Variants in RBFOX1 observed in about 807,000 individuals in gnomAD.
The protein encoded by RBFOX1 is RNA binding fox-1 homolog 1, also known as RNA binding protein fox-1 homolog 1.
Under a neutral mutation model 57.7 loss-of-function variants are expected in RBFOX1, and 8 were observed. That is an observed-to-expected ratio of 0.14 (90% confidence interval 0.08 to 0.25). The LOEUF (loss-of-function observed/expected upper bound fraction) is 0.25. Among genes scored for constraint, RBFOX1 ranks in the 10% least tolerant of loss-of-function variants. The probability of loss-of-function intolerance (pLI) is 1.00; values close to 1 mark genes in which losing one functional copy is unlikely to be tolerated. For missense variants in RBFOX1, 611 were observed against 548.5 expected, an observed-to-expected ratio of 1.11 and a Z score of -1.14; for synonymous variants, 326 against 222.4, an observed-to-expected ratio of 1.47 and a Z score of -4.15.
At chr16:6,695,060 G>T (rs981208517) in intron 3 of RBFOX1, among the ~76,000 whole-genome samples, 9 of 152,072 alleles carry the variant, frequency 5.9e-5, no homozygotes, top group African/African-American at 2.2e-4. Context: ...ATATGGAGAA[G>T]AACTTTTAGA....
At chr16:5,855,032 A>T (rs1405484894) in intron 3 of RBFOX1, among the ~76,000 whole-genome samples, 3 of 152,140 alleles carry the variant, frequency 2.0e-5, no homozygotes, top group Non-Finnish European at 4.4e-5. Context: ...TCTTTGGAAA[A>T]ATGTCTGTTC....
At position 7,348,354 on chromosome 16, in the gene RBFOX1, G is replaced by T. The variant is rs560284175; in HGVS notation, c.28-169793G>T. ...CAAAGATTTGTAAAACTTGCAAGCAGCTGGGTTTTTAATAGGAACACCTTT... is the reference window on the plus strand; with the variant it reads ...CAAAGATTTGTAAAACTTGCAAGCATCTGGGTTTTTAATAGGAACACCTTT... On this transcript the variant is annotated intron_variant, in intron 4 of 15. Coordinates refer to ENST00000550418, the MANE Select transcript of RBFOX1 (RefSeq NM_018723.4). Among the ~76,000 whole-genome samples, 205 of 152,116 alleles carry T rather than the reference G, an allele frequency of 1.3e-3. 2 individuals are homozygous for T. The highest frequency in any genetic ancestry group is 3.4e-3 in the Middle Eastern group (1 of 294).
At chr16:6,777,107 C>T (rs1603620202) in intron 3 of RBFOX1, among the ~76,000 whole-genome samples, 3 of 152,158 alleles carry the variant, frequency 2.0e-5, no homozygotes, top group South Asian at 2.1e-4. Context: ...TAGTAAAATA[C>T]GAGTCTTGGG....
rs71147635 is a variant in RBFOX1, at chr16:7,029,081, TACACACACACACACACAC to T, written c.-15-22952_-15-22935del. ...ATATATATATATATATATATATATATACACACACACACACACACACACACACACACACACACACACATA... is the reference window on the plus strand; with the variant it reads ...ATATATATATATATATATATATATATACACACACACACACACACACACATA... On this transcript the variant is annotated intron_variant, in intron 3 of 15. Transcript: ENST00000550418. Among the ~76,000 whole-genome samples the T allele has an allele frequency of 4.2e-3, 202 of 47,950 alleles. 19 individuals carry two copies. The highest frequency in any genetic ancestry group is 0.03 in the African/African-American group (179 of 5,974). The allele number at this position is 47,950 out of a possible 152,430, so 31.5% of individuals were successfully genotyped here. A position where few individuals can be genotyped will look rare whatever the true frequency, so the allele number is the denominator to read the frequency against.
Position 7,546,194 on chromosome 16 carries a change from G to A in RBFOX1, c.270+27805G>A, listed in dbSNP as rs556267764. ...ATATAAAAATCAGCCAGGCATGGTG[G>A]CACGGGCCAGTAATCCCAGGTACTT... On this transcript the variant is annotated intron_variant, in intron 5 of 15. Coordinates refer to ENST00000550418, the MANE Select transcript of RBFOX1 (RefSeq NM_018723.4). Among the ~76,000 whole-genome samples, 142 of 152,064 alleles carry A rather than the reference G, an allele frequency of 9.3e-4. 3 individuals are homozygous for A. The highest frequency in any genetic ancestry group is 8.1e-3 in the South Asian group (39 of 4,814).
intron 2 of RBFOX1, among the ~76,000 whole-genome samples, chr16:5,549,066 T>C (rs1324251377): frequency 2.6e-5 from 4 of 152,234 alleles, no homozygotes; most frequent in African/African-American, 9.6e-5. Context: ...GATAGTATTC[T>C]GAAAAGAGAC....
At chr16:7,041,155 C>T (rs530356400) in intron 3 of RBFOX1, among the ~76,000 whole-genome samples, 11 of 139,946 alleles carry the variant, frequency 7.9e-5, no homozygotes, top group African/African-American at 2.4e-4. Context: ...AGGCTGGTGT[C>T]GAACATCTGA....
At chr16:5,645,123 C>T (rs1169983391) in intron 3 of RBFOX1, among the ~76,000 whole-genome samples, 1 of 151,836 alleles carries the variant, frequency 6.6e-6, no homozygotes, top group Non-Finnish European at 1.5e-5. Flanking sequence ...GTGATGCATG[C>T]CCGTAATCCC....
chr16:5,510,893 C>A (rs924595525), intron 2 of RBFOX1, among the ~76,000 whole-genome samples: 1 of 152,096 alleles, frequency 6.6e-6, no homozygotes, highest in Non-Finnish European at 1.5e-5. Context: ...GCTATGGCCA[C>A]GTATCCCCAG....
At chr16:5,334,357 G>C (rs1003213033) in intron 1 of RBFOX1, among the ~76,000 whole-genome samples, 14 of 152,178 alleles carry the variant, frequency 9.2e-5, no homozygotes, top group African/African-American at 3.1e-4. Context: ...GATTTAGGCA[G>C]TTTTTGATTA....
At chr16:5,532,997 A>G (rs990441056) in intron 2 of RBFOX1, among the ~76,000 whole-genome samples, 1 of 152,108 alleles carries the variant, frequency 6.6e-6, no homozygotes, top group Non-Finnish European at 1.5e-5. Flanking sequence ...AATAAATTAT[A>G]CCCTCCTAAT....
intron 1 of RBFOX1, among the ~76,000 whole-genome samples, chr16:6,035,783 C>T (rs951485649): frequency 2.0e-5 from 3 of 152,142 alleles, no homozygotes; most frequent in African/African-American, 7.2e-5. Context: ...ATGTATTTGC[C>T]ACCCCTGTTA....
chr16:7,468,618 G>T (rs114717660), intron 4 of RBFOX1, among the ~76,000 whole-genome samples: 2 of 152,134 alleles, frequency 1.3e-5, no homozygotes, highest in Non-Finnish European at 2.9e-5. Flanking sequence ...GAGCCTTTTA[G>T]GAATCTGGGG....
chr16:5,690,157 C>G (rs1231617584), intron 3 of RBFOX1, among the ~76,000 whole-genome samples: 1 of 152,184 alleles, frequency 6.6e-6, no homozygotes, highest in Non-Finnish European at 1.5e-5. Flanking sequence ...GAAAAGGAGT[C>G]TTGGTTTTCA....
intron 2 of RBFOX1, among the ~76,000 whole-genome samples, chr16:6,651,372 C>G (rs1008107542): frequency 1.1e-5 from 1 of 94,376 alleles, no homozygotes; most frequent in Non-Finnish European, 2.4e-5. Context: ...TATCTGGCCT[C>G]TGACTACTTC....
intron 3 of RBFOX1, among the ~76,000 whole-genome samples, chr16:5,816,525 C>G (rs1423449112): frequency 6.6e-6 from 1 of 152,144 alleles, no homozygotes; most frequent in Non-Finnish European, 1.5e-5. Context: ...TTATGCCTGG[C>G]CAGGCATGGA....
At chr16:7,423,144 T>C (rs1449664097) in intron 4 of RBFOX1, 1 of 150,672 alleles carries the variant, frequency 6.6e-6, no homozygotes, top group Non-Finnish European at 1.5e-5. Context: ...TGAATATGGG[T>C]CCAGTGGTGT....
intron 4 of RBFOX1, among the ~76,000 whole-genome samples, chr16:7,465,198 C>T (rs12595890): frequency 0.34 from 51,531 of 152,066 alleles, 9,827 homozygotes; most frequent in Non-Finnish European, 0.43. Flanking sequence ...AAACCTAGCT[C>T]AATCTTGTCA....
chr16:6,294,635 A>G (rs1331756693), intron 1 of RBFOX1, among the ~76,000 whole-genome samples: 1 of 152,206 alleles, frequency 6.6e-6, no homozygotes, highest in East Asian at 1.9e-4. Context: ...GATCCTATAG[A>G]GTCTACTAAA....
Sources: allele counts gnomAD v4.1 joint callset (sites outside exome capture counted in the v4.1 genomes callset), GRCh38; gene constraint gnomAD v4.1.1; transcripts MANE v1.5; gene names NCBI Gene and HGNC (gene_info 2026-07-23, HGNC 2026-07-21).